LDB2: variants seen among roughly 807,000 people sequenced by gnomAD.
LDB2 encodes LIM domain-binding protein 2.
LDB2 carries 12 observed loss-of-function variants against 44.3 expected under a neutral mutation model. That is an observed-to-expected ratio of 0.27 (90% CI 0.17 to 0.44). The LOEUF (loss-of-function observed/expected upper bound fraction) is 0.44, where lower values mean the gene tolerates loss of function less well. Among genes scored for constraint, LDB2 ranks in the 20% least tolerant of loss-of-function variants. The pLI, the probability that LDB2 is intolerant of heterozygous loss-of-function variation, is 1.00. For missense variants in LDB2, 344 were observed against 473.5 expected, an observed-to-expected ratio of 0.73 and a Z score of 2.54; for synonymous variants, 164 against 174.8, an observed-to-expected ratio of 0.94 and a Z score of 0.49.
intron 5 of LDB2, among the ~76,000 whole-genome samples, chr4:16,515,344 G>C (rs981648661): frequency 6.6e-6 from 1 of 152,218 alleles, no homozygotes; most frequent in Admixed American, 6.5e-5. Flanking sequence ...TTGAGTGACG[G>C]TGTCAATAGA....
chr4:16,657,498 G>A (rs973814145), intron 2 of LDB2, among the ~76,000 whole-genome samples: 3 of 152,148 alleles, frequency 2.0e-5, no homozygotes, highest in East Asian at 1.9e-4. Context: ...AGCAGCCAGC[G>A]TGATCTTTTA....
At chr4:16,738,778 C>T (rs991416410) in intron 2 of LDB2, among the ~76,000 whole-genome samples, 5 of 152,276 alleles carry the variant, frequency 3.3e-5, no homozygotes, top group Admixed American at 2.6e-4. Context: ...AATGAATATG[C>T]GAATGGATGA....
chr4:16,766,011 A>G (rs1769121445), intron 1 of LDB2, among the ~76,000 whole-genome samples: 1 of 152,228 alleles, frequency 6.6e-6, no homozygotes, highest in Admixed American at 6.5e-5. Context: ...AAAATAGAGA[A>G]CAAAAGAGAA....
intron 1 of LDB2, among the ~76,000 whole-genome samples, chr4:16,845,568 A>C (rs1786810893): frequency 6.6e-6 from 1 of 152,162 alleles, no homozygotes; most frequent in Non-Finnish European, 1.5e-5. Flanking sequence ...ATGATTCCCT[A>C]TTATCCCAAC....
At chr4:16,630,028 A>C (rs1458418263) in intron 2 of LDB2, among the ~76,000 whole-genome samples, 2 of 152,244 alleles carry the variant, frequency 1.3e-5, no homozygotes, top group Non-Finnish European at 2.9e-5. Context: ...GATATTATCC[A>C]GGAGAACTTC....
intron 2 of LDB2, among the ~76,000 whole-genome samples, chr4:16,670,164 G>A (rs1744336584): frequency 1.3e-5 from 2 of 152,126 alleles, no homozygotes; most frequent in Admixed American, 6.5e-5. Context: ...CCCAACACTC[G>A]AAACCTTTGT....
Position 16,822,836 on chromosome 4 carries a change from C to A in LDB2, c.133-63576G>T, listed in dbSNP as rs570816212. ...CGACCACGTGCTCTTATATTAACAA[C>A]CAGTATTTACTAAGCACATACTATG... On this transcript the variant is annotated intron_variant, in intron 1 of 7. Coordinates refer to ENST00000304523, the MANE Select transcript of LDB2 (RefSeq NM_001290.5). Among the ~76,000 whole-genome samples the A allele has an allele frequency of 3.3e-5, 5 of 152,264 alleles. 1 individual carries two copies. Among genetic ancestry groups the A allele is most frequent in the African/African-American group, 1.2e-4 (5 of 41,564 alleles).
intron 2 of LDB2, among the ~76,000 whole-genome samples, chr4:16,710,426 T>C (rs1417743322): frequency 1.3e-5 from 2 of 152,230 alleles, no homozygotes; most frequent in African/African-American, 4.8e-5. Flanking sequence ...CAAATCATTC[T>C]TCCTGGAGTT....
chr4:16,892,345 C>T lies in LDB2; in HGVS notation c.132+6009G>A, dbSNP rs192826326. Among the ~76,000 whole-genome samples the T allele has an allele frequency of 1.8e-4, 28 of 152,168 alleles. No individual in the cohort carries two copies. The East Asian group carries it at 5.2e-3, about 28-fold the overall frequency. Reference sequence around the variant, plus strand: ...AGTATGGAAATTCTTGAAGGAATGCCTGAATTTTGTTTTAAGCATTAATAG... The same window carrying T: ...AGTATGGAAATTCTTGAAGGAATGCTTGAATTTTGTTTTAAGCATTAATAG... On this transcript the variant is annotated intron_variant, in intron 1 of 7. Coordinates refer to ENST00000304523, the MANE Select transcript of LDB2 (RefSeq NM_001290.5).
At chr4:16,878,178 C>T (rs753925680) in intron 1 of LDB2, among the ~76,000 whole-genome samples, 5 of 152,194 alleles carry the variant, frequency 3.3e-5, no homozygotes, top group Admixed American at 6.5e-5. Context: ...AGAAGTTGGA[C>T]GTGGAGAATT....
intron 1 of LDB2, among the ~76,000 whole-genome samples, chr4:16,824,300 A>G (rs158268): frequency 0.9 from 136,779 of 152,224 alleles, 62,216 homozygotes; most frequent in South Asian, 0.97. Context: ...ACTAGCTTTT[A>G]GACTTAGAAG....
chr4:16,732,326 A>T (rs1046429155), intron 2 of LDB2, among the ~76,000 whole-genome samples: 2 of 152,218 alleles, frequency 1.3e-5, no homozygotes, highest in African/African-American at 4.8e-5. Flanking sequence ...CACTCACAAT[A>T]ACAATGCATT....
At chr4:16,760,442 T>C (rs1383615276) in intron 1 of LDB2, among the ~76,000 whole-genome samples, 1 of 152,100 alleles carries the variant, frequency 6.6e-6, no homozygotes, top group African/African-American at 2.4e-5. Context: ...CTCAGACAAA[T>C]GAATTTTTGC....
At chr4:16,559,534 C>A (rs1297507006) in intron 5 of LDB2, among the ~76,000 whole-genome samples, 2 of 152,208 alleles carry the variant, frequency 1.3e-5, no homozygotes, top group African/African-American at 2.4e-5. Flanking sequence ...AATATATATG[C>A]ACCCAATACA....
intron 2 of LDB2, among the ~76,000 whole-genome samples, chr4:16,736,119 C>G (rs1398391729): frequency 6.6e-6 from 1 of 152,218 alleles, no homozygotes; most frequent in Non-Finnish European, 1.5e-5. Flanking sequence ...ACCTCCGGCT[C>G]TCTCATGCTC....
intron 2 of LDB2, among the ~76,000 whole-genome samples, chr4:16,655,253 A>G (rs1462103040): frequency 1.3e-5 from 2 of 152,176 alleles, no homozygotes; most frequent in Non-Finnish European, 2.9e-5. Context: ...CAGCAGCAGG[A>G]GGTCAAGGTT....
At chr4:16,624,637 T>C (rs1729794681) in intron 2 of LDB2, among the ~76,000 whole-genome samples, 1 of 152,132 alleles carries the variant, frequency 6.6e-6, no homozygotes, top group South Asian at 2.1e-4. Flanking sequence ...AAATCAATCA[T>C]TGCTCAATAA....
chr4:16,542,473 T>C (rs912893887), intron 5 of LDB2, among the ~76,000 whole-genome samples: 1 of 152,110 alleles, frequency 6.6e-6, no homozygotes, highest in African/African-American at 2.4e-5. Flanking sequence ...AACCTTCCCA[T>C]AGGCCGGAGG....
chr4:16,846,028 G>A (rs1786901442), intron 1 of LDB2, among the ~76,000 whole-genome samples: 1 of 151,764 alleles, frequency 6.6e-6, no homozygotes, highest in African/African-American at 2.4e-5. Flanking sequence ...AGGATGGGAT[G>A]GGGTGAACCC....
Sources: gnomAD v4.1 joint callset for allele counts (sites outside exome capture counted in the v4.1 genomes callset) on GRCh38, gnomAD v4.1.1 for gene constraint, MANE v1.5 for transcripts, NCBI Gene and HGNC (gene_info 2026-07-23, HGNC 2026-07-21) for gene names.